The following FHIT variants were observed in gnomAD, a reference collection of about 807,000 sequenced individuals.
FHIT encodes the protein fragile histidine triad diadenosine triphosphatase, also known as bis(5'-adenosyl)-triphosphatase.
A neutral mutation model predicts 17.9 loss-of-function variants in FHIT; 19 were observed. That is an observed-to-expected ratio of 1.06 (90% confidence interval 0.74 to 1.56). The LOEUF (loss-of-function observed/expected upper bound fraction) is 1.56, where lower values mean the gene tolerates loss of function less well. Among genes scored for constraint, FHIT ranks in the 40% most tolerant of loss-of-function variants. The probability of loss-of-function intolerance (pLI) is 0.00; values close to 1 mark genes in which losing one functional copy is unlikely to be tolerated. For synonymous variants in FHIT, 81 were observed against 69.7 expected, an observed-to-expected ratio of 1.16 and a Z score of -0.81; for missense variants, 248 against 189.2, an observed-to-expected ratio of 1.31 and a Z score of -1.82.
intron 3 of FHIT, among the ~76,000 whole-genome samples, chr3:60,984,785 GGTGTGT>G (rs58578875): frequency 0.58 from 87,646 of 149,910 alleles, 25,856 homozygotes; most frequent in East Asian, 0.72. Context: ...TTCATGAAGG[GGTGTGT>G]GTGTGTGTGT....
chr3:60,520,303 C>T (rs1260132021), intron 5 of FHIT, among the ~76,000 whole-genome samples: 2 of 151,834 alleles, frequency 1.3e-5, no homozygotes, highest in African/African-American at 4.8e-5. Context: ...GAAAAAAATC[C>T]ACAGAAGTGG....
intron 5 of FHIT, among the ~76,000 whole-genome samples, chr3:60,383,889 T>C (rs1299494174): frequency 6.6e-6 from 1 of 152,090 alleles, no homozygotes; most frequent in Non-Finnish European, 1.5e-5. Flanking sequence ...AAAAAAGACA[T>C]ATTAATTGCA....
intron 4 of FHIT, among the ~76,000 whole-genome samples, chr3:60,547,317 C>A (rs1029063526): frequency 1.3e-5 from 2 of 152,090 alleles, no homozygotes; most frequent in African/African-American, 4.8e-5. Flanking sequence ...GGATTAGGAA[C>A]CTCAGTCCAA....
intron 8 of FHIT, among the ~76,000 whole-genome samples, chr3:59,781,334 T>A (rs1702573672): frequency 6.6e-6 from 1 of 152,238 alleles, no homozygotes; most frequent in South Asian, 2.1e-4. Flanking sequence ...TTCAGAAAGA[T>A]AAGTCAAAGT....
chr3:60,783,055 T>C (rs1412192968), intron 4 of FHIT, among the ~76,000 whole-genome samples: 3 of 152,174 alleles, frequency 2.0e-5, no homozygotes, highest in Admixed American at 6.5e-5. Context: ...CAATGTCAGC[T>C]CACTGCAGCC....
At chr3:60,964,549 A>C (rs545084245) in intron 3 of FHIT, among the ~76,000 whole-genome samples, 1 of 152,232 alleles carries the variant, frequency 6.6e-6, no homozygotes, top group African/African-American at 2.4e-5. Context: ...ACAATTTGGC[A>C]TGTTTTTGCA....
At chr3:60,361,308 G>C (rs748459115) in intron 5 of FHIT, among the ~76,000 whole-genome samples, 7 of 152,180 alleles carry the variant, frequency 4.6e-5, no homozygotes, top group Non-Finnish European at 8.8e-5. Context: ...AGATGGTGCT[G>C]TATTGGAACA....
intron 5 of FHIT, among the ~76,000 whole-genome samples, chr3:60,300,655 T>A (rs1244906514): frequency 6.6e-6 from 1 of 152,088 alleles, no homozygotes; most frequent in East Asian, 1.9e-4. Flanking sequence ...GTTATTGCAC[T>A]CCGATGATAA....
chr3:60,054,022 T>A (rs1203541006), intron 5 of FHIT, among the ~76,000 whole-genome samples: 6 of 152,126 alleles, frequency 3.9e-5, no homozygotes, highest in Non-Finnish European at 1.5e-5. Context: ...AAAAGAAAAA[T>A]CACACATATT....
chr3:60,203,189 G>T (rs907458920), intron 5 of FHIT, among the ~76,000 whole-genome samples: 1 of 152,076 alleles, frequency 6.6e-6, no homozygotes, highest in East Asian at 1.9e-4. Flanking sequence ...GTGAGTCTTT[G>T]CATTTTTGCA....
At chr3:60,140,563 G>C (rs1042558491) in intron 5 of FHIT, among the ~76,000 whole-genome samples, 12 of 146,378 alleles carry the variant, frequency 8.2e-5, no homozygotes, top group African/African-American at 1.0e-4. Flanking sequence ...TGGAGGGAAA[G>C]ACACAGACTC....
intron 4 of FHIT, among the ~76,000 whole-genome samples, chr3:60,716,048 C>A (rs1201249978): frequency 6.6e-6 from 1 of 151,900 alleles, no homozygotes; most frequent in Admixed American, 6.6e-5. Context: ...GTCAGGAGTT[C>A]GAGACCAACA....
At chr3:59,971,616 C>T (rs1325088614) in intron 7 of FHIT, among the ~76,000 whole-genome samples, 4 of 152,184 alleles carry the variant, frequency 2.6e-5, no homozygotes, top group South Asian at 4.2e-4. Flanking sequence ...AGAGAATGCT[C>T]GACATTTTTC....
At chr3:60,107,245 T>C (rs6773849) in intron 5 of FHIT, among the ~76,000 whole-genome samples, 94,498 of 149,318 alleles carry the variant, frequency 0.63, 31,217 homozygotes, top group South Asian at 0.75. Context: ...GATAAAACTT[T>C]GCAGTAAACT....
chr3:60,605,142 T>C (rs1194287006), intron 4 of FHIT, among the ~76,000 whole-genome samples: 1 of 152,128 alleles, frequency 6.6e-6, no homozygotes, highest in Non-Finnish European at 1.5e-5. Context: ...GCAGTTGATT[T>C]TCCCCAATAC....
chr3:60,994,601 C>G (rs748333248), intron 3 of FHIT, among the ~76,000 whole-genome samples: 9 of 152,092 alleles, frequency 5.9e-5, no homozygotes, highest in Non-Finnish European at 8.8e-5. Flanking sequence ...TCATGCCGAT[C>G]AAGTACTTAA....
At chr3:61,216,392 A>G (rs892087284) in intron 1 of FHIT, among the ~76,000 whole-genome samples, 5 of 152,244 alleles carry the variant, frequency 3.3e-5, no homozygotes, top group Admixed American at 1.3e-4. Flanking sequence ...CACATGAAAA[A>G]ATGCTCACCA....
intron 5 of FHIT, among the ~76,000 whole-genome samples, chr3:60,418,413 TA>T (rs1702340444): frequency 9.6e-6 from 1 of 104,242 alleles, no homozygotes; most frequent in Non-Finnish European, 1.8e-5. Flanking sequence ...TATATATATA[TA>T]TATATATATA....
intron 8 of FHIT, among the ~76,000 whole-genome samples, chr3:59,764,412 G>A (rs932203391): frequency 1.3e-5 from 2 of 152,128 alleles, no homozygotes; most frequent in Admixed American, 6.5e-5. Context: ...GATTGGTCAC[G>A]ATTCCTTCTT....
Sources: gnomAD v4.1 joint callset for allele counts (sites outside exome capture counted in the v4.1 genomes callset) on GRCh38, gnomAD v4.1.1 for gene constraint, MANE v1.5 for transcripts, NCBI Gene and HGNC (gene_info 2026-07-23, HGNC 2026-07-21) for gene names.